Variants in APP observed in about 807,000 individuals in gnomAD.
The protein encoded by APP is amyloid beta precursor protein, also known as amyloid-beta precursor protein.
In APP, 31 loss-of-function variants were observed where a neutral mutation model predicts 101.4. That is an observed-to-expected ratio of 0.31 (90% CI 0.23 to 0.41). The LOEUF (loss-of-function observed/expected upper bound fraction) is 0.41, where lower values mean the gene tolerates loss of function less well. Among genes scored for constraint, APP ranks in the 10% least tolerant of loss-of-function variants. The probability of loss-of-function intolerance (pLI) is 1.00; values close to 1 mark genes in which losing one functional copy is unlikely to be tolerated. For missense variants in APP, 839 were observed against 1,003.7 expected (o/e 0.84, Z 2.22); for synonymous variants, 366 against 364.4 (o/e 1.00, Z -0.05).
At chr21:25,886,073 C>T (rs1787046514) in intron 17 of APP, among the ~76,000 whole-genome samples, 1 of 151,980 alleles carries the variant, frequency 6.6e-6, no homozygotes, top group South Asian at 2.1e-4. Context: ...ACGACAGAAT[C>T]CTGTCATTGA....
At position 26,061,175 on chromosome 21, in the gene APP, A is replaced by T. The variant is rs1289062432; in HGVS notation, c.356-7827T>A. Among the ~76,000 whole-genome samples the T allele has an allele frequency of 2.6e-5, 4 of 152,216 alleles. No individual in the cohort carries two copies. The East Asian group carries it at 7.7e-4, about 29-fold the overall frequency. On this transcript the variant is annotated intron_variant, in intron 3 of 17. Transcript: ENST00000346798. ...GAAGGTCAGATCTAAATAATCAAAT[A>T]GAAAGGAGTCAAGAATCTAGCTTGT...
intron 13 of APP, among the ~76,000 whole-genome samples, chr21:25,925,320 C>G (rs2039840649): frequency 1.3e-5 from 2 of 152,346 alleles, no homozygotes; most frequent in South Asian, 4.1e-4. Context: ...TCTCCATGGC[C>G]TCTGAAACTC....
intron 13 of APP, among the ~76,000 whole-genome samples, chr21:25,947,161 T>C (rs1480257196): frequency 1.3e-5 from 2 of 152,228 alleles, no homozygotes; most frequent in African/African-American, 4.8e-5. Flanking sequence ...TCATTATCAA[T>C]GACTTCCACA....
At chr21:26,048,979 T>C (rs2045724607) in intron 5 of APP, among the ~76,000 whole-genome samples, 1 of 152,200 alleles carries the variant, frequency 6.6e-6, no homozygotes, top group Admixed American at 6.5e-5. Context: ...GAGAGTCACA[T>C]ACATGTATAA....
intron 3 of APP, 34 bp downstream of exon 3, chr21:26,089,909 C>T: frequency 6.2e-7 from 1 of 1,613,386 alleles, no homozygotes; most frequent in African/African-American, 1.3e-5. Flanking sequence ...ACCAGGCCCC[C>T]AATCAACACC....
At chr21:26,053,525 C>T (rs564103069) in intron 3 of APP, 177 bp from the exon 4 acceptor site, 25 of 535,030 alleles carry the variant, frequency 4.7e-5, no homozygotes, top group African/African-American at 1.7e-4. Flanking sequence ...TAAGCAACTC[C>T]GTTTCTTGCC....
At chr21:25,962,674 T>C (rs1369646829) in intron 11 of APP, among the ~76,000 whole-genome samples, 1 of 152,230 alleles carries the variant, frequency 6.6e-6, no homozygotes, top group Non-Finnish European at 1.5e-5. Flanking sequence ...ATGGACTTCA[T>C]AGCGTGCACA....
At chr21:25,924,527 ACT>A (rs1295992229) in intron 13 of APP, among the ~76,000 whole-genome samples, 6 of 147,444 alleles carry the variant, frequency 4.1e-5, no homozygotes, top group African/African-American at 1.5e-4. Context: ...AAACCCAAAC[ACT>A]CATGTTCTCA....
intron 13 of APP, among the ~76,000 whole-genome samples, chr21:25,949,235 TTGTCA>T (rs2040960670): frequency 6.6e-6 from 1 of 152,152 alleles, no homozygotes; most frequent in Non-Finnish European, 1.5e-5. Context: ...TCACACTTAT[TTGTCA>T]TGGGAATAGC....
intron 3 of APP, among the ~76,000 whole-genome samples, chr21:26,073,175 C>A (rs1005067284): frequency 1.8e-4 from 27 of 151,990 alleles, no homozygotes; most frequent in Admixed American, 1.7e-3. Context: ...CCAGGGTACT[C>A]CTATTAAACA....
At chr21:26,006,057 T>C (rs1280970467) in intron 6 of APP, among the ~76,000 whole-genome samples, 1 of 152,204 alleles carries the variant, frequency 6.6e-6, no homozygotes, top group Non-Finnish European at 1.5e-5. Flanking sequence ...AAAACTAACA[T>C]TTTGAAATCA....
chr21:26,075,428 C>T (rs2061482796), intron 3 of APP, among the ~76,000 whole-genome samples: 1 of 152,136 alleles, frequency 6.6e-6, no homozygotes, highest in Non-Finnish European at 1.5e-5. Context: ...ATACTTTGTC[C>T]CAACCTATTA....
chr21:26,075,955 G>A (rs1181710306), intron 3 of APP, among the ~76,000 whole-genome samples: 6 of 152,028 alleles, frequency 3.9e-5, no homozygotes, highest in African/African-American at 7.2e-5. Flanking sequence ...GTGCAGTGGC[G>A]CGATCTCGGC....
chr21:25,908,992 C>T (rs1304560180), intron 14 of APP, among the ~76,000 whole-genome samples: 2 of 152,016 alleles, frequency 1.3e-5, no homozygotes, highest in African/African-American at 2.4e-5. Flanking sequence ...GGCCGGGCGC[C>T]GTGGCTCATG....
At chr21:26,116,210 TAC>T (rs1397349159) in intron 1 of APP, among the ~76,000 whole-genome samples, 10 of 152,128 alleles carry the variant, frequency 6.6e-5, no homozygotes, top group Admixed American at 5.2e-4. Flanking sequence ...TGCTCTGAAC[TAC>T]AGAGACGTAC....
intron 5 of APP, among the ~76,000 whole-genome samples, chr21:26,046,218 T>A (rs2045602873): frequency 6.6e-6 from 1 of 151,688 alleles, no homozygotes; most frequent in South Asian, 2.1e-4. Flanking sequence ...TTAACTAACC[T>A]GGCCAACATG....
chr21:26,057,741 A>T (rs569435791), intron 3 of APP, among the ~76,000 whole-genome samples: 25 of 152,316 alleles, frequency 1.6e-4, no homozygotes, highest in African/African-American at 5.8e-4. Context: ...GAAGAACTAG[A>T]CTGAAAATCC....
intron 14 of APP, among the ~76,000 whole-genome samples, chr21:25,905,597 G>T (rs897330554): frequency 1.2e-4 from 18 of 152,196 alleles, no homozygotes; most frequent in Non-Finnish European, 2.6e-4. Context: ...TTTAGTGAGT[G>T]AATCAAATTT....
At chr21:26,061,155 T>C (rs542489148) in intron 3 of APP, among the ~76,000 whole-genome samples, 17 of 152,302 alleles carry the variant, frequency 1.1e-4, no homozygotes, top group Middle Eastern at 6.8e-3. Flanking sequence ...CGTCTGAAGG[T>C]CAGATCTAAA....
Sources: allele counts gnomAD v4.1 joint callset (sites outside exome capture counted in the v4.1 genomes callset), GRCh38; gene constraint gnomAD v4.1.1; transcripts MANE v1.5; gene names NCBI Gene and HGNC (gene_info 2026-07-23, HGNC 2026-07-21).